The following PDCL2 variants were observed in gnomAD, a reference collection of about 807,000 sequenced individuals.
The protein encoded by PDCL2 is phosducin like 2.
A neutral mutation model predicts 30.3 loss-of-function variants in PDCL2; 23 were observed. The observed-to-expected ratio is 0.76, with a 90% confidence interval of 0.55 to 1.08. The LOEUF (loss-of-function observed/expected upper bound fraction) is 1.08. Among genes scored for constraint, PDCL2 ranks in the 50% least tolerant of loss-of-function variants. PDCL2 has a pLI of 0.00. For missense variants in PDCL2, 243 were observed against 282.3 expected, an observed-to-expected ratio of 0.86 and a Z score of 1.00; for synonymous variants, 68 against 86.2, an observed-to-expected ratio of 0.79 and a Z score of 1.17.
chr4:55,589,662 A>G (rs1417334327), intron 1 of PDCL2, among the ~76,000 whole-genome samples: 3 of 152,166 alleles, frequency 2.0e-5, no homozygotes, highest in Admixed American at 2.0e-4. Context: ...ATAATTTTCT[A>G]TCATTCTGAC....
intron 4 of PDCL2, among the ~76,000 whole-genome samples, chr4:55,565,083 A>G (rs1732227991): frequency 1.3e-5 from 2 of 152,178 alleles, no homozygotes; most frequent in African/African-American, 4.8e-5. Context: ...TATGATACAC[A>G]CTTAAACAAT....
At chr4:55,580,979 GA>G (rs34437483) in intron 2 of PDCL2, 68 bp from the exon 3 acceptor site, 806,491 of 1,110,414 alleles carry the variant, frequency 0.73, 296,785 homozygotes, top group East Asian at 0.87. Flanking sequence ...TCAATGTCTA[GA>G]AAAAAACCGT....
At chr4:55,573,524 C>A (rs1178761617) in intron 3 of PDCL2, among the ~76,000 whole-genome samples, 1 of 152,126 alleles carries the variant, frequency 6.6e-6, no homozygotes, top group Non-Finnish European at 1.5e-5. Context: ...CCAAGGCGGG[C>A]AGATCACTTG....
At chr4:55,566,843 T>C (rs1732282082) in intron 4 of PDCL2, among the ~76,000 whole-genome samples, 1 of 152,228 alleles carries the variant, frequency 6.6e-6, no homozygotes, top group Non-Finnish European at 1.5e-5. Context: ...ATCCTTCTTT[T>C]TGAGTCTATC....
intron 4 of PDCL2, among the ~76,000 whole-genome samples, chr4:55,565,599 C>T (rs944727436): frequency 5.9e-5 from 9 of 152,120 alleles, no homozygotes; most frequent in Admixed American, 2.6e-4. Flanking sequence ...GTCCCTCCCA[C>T]GACAAATGGG....
At chr4:55,575,557 A>C (rs1022204327) in intron 3 of PDCL2, among the ~76,000 whole-genome samples, 4 of 152,218 alleles carry the variant, frequency 2.6e-5, no homozygotes. Context: ...CTATAAACTC[A>C]AGTGTCCAAC....
chr4:55,562,994 C>T (rs533817471), intron 4 of PDCL2, among the ~76,000 whole-genome samples: 1 of 152,174 alleles, frequency 6.6e-6, no homozygotes, highest in Non-Finnish European at 1.5e-5. Flanking sequence ...CCCTTGCTGC[C>T]ATCATGAGCT....
At chr4:55,561,456 G>A (rs1472792647) in intron 5 of PDCL2, among the ~76,000 whole-genome samples, 8 of 151,996 alleles carry the variant, frequency 5.3e-5, no homozygotes, top group Non-Finnish European at 1.2e-4. Context: ...CCAGCTACTC[G>A]GGAGGCTGAG....
chr4:55,590,302 G>A (rs796837854), intron 1 of PDCL2, among the ~76,000 whole-genome samples: 1 of 149,552 alleles, frequency 6.7e-6, no homozygotes, highest in East Asian at 2.0e-4. Context: ...TGGGTTTGGC[G>A]AGGCCCCATC....
intron 1 of PDCL2, 28 bp downstream of exon 1, chr4:55,592,076 G>T (rs755237424): frequency 3.1e-6 from 5 of 1,608,756 alleles, no homozygotes; most frequent in Non-Finnish European, 4.2e-6. Flanking sequence ...GGGTGTTCCA[G>T]GGTGGCTCGG....
chr4:55,587,216 T>TAAAAAAAAAAAAAAAAAAAAAAAAAAAAA (rs869107656), intron 1 of PDCL2, among the ~76,000 whole-genome samples: 1 of 62,820 alleles, frequency 1.6e-5, no homozygotes, highest in African/African-American at 7.5e-5. Context: ...GACAGAATAG[T>TAAAAAAAAAAAAAAAAAAAAAAAAAAAAA]AAAAAAAAAA....
chr4:55,573,835 T>C (rs2110160648), intron 3 of PDCL2, among the ~76,000 whole-genome samples: 1 of 151,354 alleles, frequency 6.6e-6, no homozygotes, highest in Admixed American at 6.6e-5. Flanking sequence ...TTGTTAAAAT[T>C]TTTATCAAGT....
At position 55,592,184 on chromosome 4, in the gene PDCL2, C is replaced by T. The variant is rs1733022817; in HGVS notation, c.-75G>A. The T allele has an allele frequency of 1.9e-6, 3 of 1,579,478 alleles. No homozygotes were observed. Among genetic ancestry groups the T allele is most frequent in the African/African-American group, 2.7e-5 (2 of 73,806 alleles). ...GGCGCCACGGATGGAGACCCGCAGC[C>T]TTCTCCAGGCTGGAAGAGCGCCCGC... is the stretch of plus-strand genomic sequence containing the variant. On this transcript the variant is annotated 5_prime_UTR_variant, in exon 1 of 6. Coordinates refer to ENST00000295645, the MANE Select transcript of PDCL2 (RefSeq NM_152401.3).
At chr4:55,584,971 A>G (rs1183403712) in intron 1 of PDCL2, among the ~76,000 whole-genome samples, 1 of 152,220 alleles carries the variant, frequency 6.6e-6, no homozygotes, top group Non-Finnish European at 1.5e-5. Flanking sequence ...ATCTAACAAG[A>G]TGATCATATG....
intron 1 of PDCL2, among the ~76,000 whole-genome samples, chr4:55,589,124 G>T (rs1317061163): frequency 6.6e-6 from 1 of 152,168 alleles, no homozygotes; most frequent in African/African-American, 2.4e-5. Context: ...CTCCCAAAGT[G>T]CTGGTATTAC....
intron 3 of PDCL2, among the ~76,000 whole-genome samples, chr4:55,576,308 G>T (rs1732566649): frequency 6.6e-6 from 1 of 152,128 alleles, no homozygotes; most frequent in Non-Finnish European, 1.5e-5. Context: ...GGCCAGGCTG[G>T]TCTCAAACTC....
At chr4:55,562,960 T>C (rs1452112238) in intron 4 of PDCL2, among the ~76,000 whole-genome samples, 1 of 151,606 alleles carries the variant, frequency 6.6e-6, no homozygotes, top group African/African-American at 2.4e-5. Context: ...TTTGCAGTTC[T>C]GAGTTGAAAC....
intron 5 of PDCL2, among the ~76,000 whole-genome samples, chr4:55,558,585 A>G (rs767447757): frequency 1.3e-5 from 2 of 152,170 alleles, no homozygotes; most frequent in Non-Finnish European, 2.9e-5. Context: ...ATAGACTAAT[A>G]CAATACCTTA....
chr4:55,583,928 C>T (rs1732790601), intron 1 of PDCL2, among the ~76,000 whole-genome samples: 1 of 152,118 alleles, frequency 6.6e-6, no homozygotes, highest in African/African-American at 2.4e-5. Context: ...ATTGCTTTTT[C>T]TACTTCTGTA....
Sources: gnomAD v4.1 joint callset for allele counts (sites outside exome capture counted in the v4.1 genomes callset) on GRCh38, gnomAD v4.1.1 for gene constraint, MANE v1.5 for transcripts, NCBI Gene and HGNC (gene_info 2026-07-23, HGNC 2026-07-21) for gene names.